Variants in EPHA6 observed in about 807,000 individuals in gnomAD.
EPHA6 encodes the protein ephrin type-A receptor 6.
Under a neutral mutation model 112.0 loss-of-function variants are expected in EPHA6, and 50 were observed. That is an observed-to-expected ratio of 0.45 (90% confidence interval 0.36 to 0.56). EPHA6 has a LOEUF of 0.56. EPHA6 is among the 20% of genes least tolerant of loss of function. The pLI, the probability that EPHA6 is intolerant of heterozygous loss-of-function variation, is 0.00. For synonymous variants in EPHA6, 529 were observed against 490.7 expected, an observed-to-expected ratio of 1.08 and a Z score of -1.03; for missense variants, 1,280 against 1,417.4, an observed-to-expected ratio of 0.90 and a Z score of 1.56.
chr3:96,943,201 A>G (rs142043609), intron 2 of EPHA6, among the ~76,000 whole-genome samples: 13 of 152,042 alleles, frequency 8.6e-5, no homozygotes, highest in Non-Finnish European at 1.9e-4. Flanking sequence ...TCTTTTTTGT[A>G]TATATATATT....
chr3:97,752,879 A>G lies in EPHA6; in HGVS notation c.*4178A>G, dbSNP rs1473120894. 2.0e-5 allele frequency among the ~76,000 whole-genome samples: 3 copies of G among 152,106 alleles called. No homozygotes were observed. Among genetic ancestry groups the G allele is most frequent in the African/African-American group, 7.2e-5 (3 of 41,438 alleles). Reference sequence around the variant, plus strand: ...TCTATATATCAAAGAGATTTGAAGCATATGTATCACTTCTTTTAGTATGAG... The same window carrying G: ...TCTATATATCAAAGAGATTTGAAGCGTATGTATCACTTCTTTTAGTATGAG... On this transcript the variant is annotated 3_prime_UTR_variant, in exon 18 of 18. Coordinates refer to ENST00000389672, the MANE Select transcript of EPHA6 (RefSeq NM_001080448.3).
At chr3:97,337,917 G>C (rs151153099) in intron 5 of EPHA6, among the ~76,000 whole-genome samples, 1 of 152,102 alleles carries the variant, frequency 6.6e-6, no homozygotes, top group Non-Finnish European at 1.5e-5. Context: ...AATTTACTAA[G>C]CCAGGGAAGA....
At chr3:97,221,142 G>A (rs375661979) in intron 3 of EPHA6, among the ~76,000 whole-genome samples, 4 of 151,328 alleles carry the variant, frequency 2.6e-5, no homozygotes, top group South Asian at 2.1e-4. Flanking sequence ...GTGAAACCTC[G>A]ACTCTACTAA....
intron 2 of EPHA6, among the ~76,000 whole-genome samples, chr3:96,908,823 A>T (rs1244236386): frequency 3.3e-5 from 5 of 151,968 alleles, no homozygotes; most frequent in African/African-American, 9.7e-5. Context: ...TTGAAAGCCA[A>T]AGCTATCTGG....
intron 1 of EPHA6, among the ~76,000 whole-genome samples, chr3:96,825,072 A>G (rs949330628): frequency 6.6e-6 from 1 of 152,010 alleles, no homozygotes; most frequent in African/African-American, 2.4e-5. Flanking sequence ...ATCAGGATTT[A>G]TCATCATGAA....
intron 11 of EPHA6, among the ~76,000 whole-genome samples, chr3:97,537,732 C>T (rs1221088163): frequency 1.3e-5 from 2 of 152,074 alleles, no homozygotes; most frequent in South Asian, 4.1e-4. Context: ...GTGTACGCCA[C>T]CAAGTCCAGC....
intron 2 of EPHA6, among the ~76,000 whole-genome samples, chr3:96,977,280 C>T (rs1475423535): frequency 6.6e-6 from 1 of 152,124 alleles, no homozygotes; most frequent in Non-Finnish European, 1.5e-5. Context: ...AAGACAAATA[C>T]TGCATGTTCT....
At chr3:97,619,823 T>C (rs938092949) in intron 13 of EPHA6, among the ~76,000 whole-genome samples, 2 of 152,106 alleles carry the variant, frequency 1.3e-5, no homozygotes, top group African/African-American at 4.8e-5. Flanking sequence ...ATCAATATTG[T>C]TAAAGTGGCC....
chr3:97,104,391 T>G (rs2047500626), intron 3 of EPHA6, among the ~76,000 whole-genome samples: 1 of 152,184 alleles, frequency 6.6e-6, no homozygotes, highest in South Asian at 2.1e-4. Flanking sequence ...TTTCTGCATC[T>G]ATTGAGATAA....
At position 97,610,722 on chromosome 3, in the gene EPHA6, G is replaced by A. The variant is rs559873946; in HGVS notation, c.2513-71G>A. ...ACAAATAATTTAGTTGCCACAGCTG[G>A]GTATCTCTTAACTGCAGCACATATT... is the stretch of plus-strand genomic sequence containing the variant. On this transcript the variant is annotated intron_variant, in intron 12 of 17. Coordinates refer to ENST00000389672, the MANE Select transcript of EPHA6 (RefSeq NM_001080448.3). The A allele has an allele frequency of 3.7e-5, 43 of 1,173,152 alleles. No homozygotes were observed. The East Asian group carries it at 1.0e-3, about 28-fold the overall frequency. The allele number at this position is 1,173,152 out of a possible 1,614,324, so 72.7% of individuals were successfully genotyped here. A position where few individuals can be genotyped will look rare whatever the true frequency, so the allele number is the denominator to read the frequency against.
At position 97,308,355 on chromosome 3, in the gene EPHA6, A is replaced by G. The variant is rs987688693; in HGVS notation, c.1606+64068A>G. On this transcript the variant is annotated intron_variant, in intron 5 of 17. Transcript: ENST00000389672. The stretch of plus-strand genomic sequence containing the variant: ...CCACCACCTATAAAAGAAAGATTGG[A>G]GTACTCAACATAGCAAGCAAGTTTC... 4.0e-5 allele frequency among the ~76,000 whole-genome samples: 6 copies of G among 151,746 alleles called. No homozygotes were observed. In the South Asian group the frequency reaches 1.2e-3, roughly 31 times the overall value.
intron 1 of EPHA6, among the ~76,000 whole-genome samples, chr3:96,816,057 T>G (rs78482476): frequency 0.014 from 2,178 of 152,228 alleles, 56 homozygotes; most frequent in African/African-American, 0.049. Flanking sequence ...GGTATAAAAA[T>G]GGAGGTCAGA....
chr3:97,405,073 G>T, intron 5 of EPHA6, 77 bp from the exon 6 acceptor site: 2 of 1,473,664 alleles, frequency 1.4e-6, no homozygotes, highest in Non-Finnish European at 1.8e-6. Context: ...ATTTTCCTTG[G>T]AAGAGAAAAT....
intron 3 of EPHA6, among the ~76,000 whole-genome samples, chr3:97,061,976 T>C (rs1019503953): frequency 9.9e-5 from 15 of 152,092 alleles, no homozygotes; most frequent in African/African-American, 2.9e-4. Context: ...TGTGAGAAGA[T>C]AGGAGACACT....
chr3:97,136,103 C>A (rs1482518840), intron 3 of EPHA6, among the ~76,000 whole-genome samples: 5 of 152,090 alleles, frequency 3.3e-5, no homozygotes, highest in Non-Finnish European at 7.4e-5. Context: ...ATCATTTGTA[C>A]ATTTTCTTTC....
intron 3 of EPHA6, among the ~76,000 whole-genome samples, chr3:97,079,251 T>C (rs1225943057): frequency 6.6e-6 from 1 of 152,140 alleles, no homozygotes; most frequent in African/African-American, 2.4e-5. Flanking sequence ...ATATACACCA[T>C]GGGATACTGT....
At chr3:96,895,658 T>TTTG (rs953547835) in intron 2 of EPHA6, among the ~76,000 whole-genome samples, 2 of 152,104 alleles carry the variant, frequency 1.3e-5, no homozygotes, top group African/African-American at 4.8e-5. Flanking sequence ...TATACTGTTT[T>TTTG]TTGTTGTTGT....
intron 11 of EPHA6, among the ~76,000 whole-genome samples, chr3:97,567,500 T>C (rs1370463713): frequency 6.6e-6 from 1 of 152,208 alleles, no homozygotes; most frequent in Non-Finnish European, 1.5e-5. Flanking sequence ...ATGGATTTAA[T>C]TGTGTGCCCC....
intron 11 of EPHA6, among the ~76,000 whole-genome samples, chr3:97,585,663 T>A (rs1433219559): frequency 2.0e-5 from 3 of 151,156 alleles, no homozygotes; most frequent in Non-Finnish European, 4.4e-5. Context: ...TTGTATTTAG[T>A]GCTGAACACT....
Sources: gnomAD v4.1 joint callset for allele counts (sites outside exome capture counted in the v4.1 genomes callset) on GRCh38, gnomAD v4.1.1 for gene constraint, MANE v1.5 for transcripts, NCBI Gene and HGNC (gene_info 2026-07-23, HGNC 2026-07-21) for gene names.